Variants in CLCN3 observed in about 807,000 individuals in gnomAD.
The protein encoded by CLCN3 is Cl-/H+ antiporter 3.
A neutral mutation model predicts 83.4 loss-of-function variants in CLCN3; 16 were observed. The ratio of observed to expected loss-of-function variants is 0.19; its 90% CI spans 0.13 to 0.29. The LOEUF is 0.29. Among genes scored for constraint, CLCN3 ranks in the 10% least tolerant of loss-of-function variants. CLCN3 has a pLI of 1.00. For synonymous variants in CLCN3, 322 were observed against 346.2 expected (o/e 0.93, Z 0.78); for missense variants, 544 against 1,006.0 (o/e 0.54, Z 6.21).
At chr4:169,668,177 GTTT>G (rs1181541764) in intron 2 of CLCN3, among the ~76,000 whole-genome samples, 1 of 144,424 alleles carries the variant, frequency 6.9e-6, no homozygotes, top group Non-Finnish European at 1.5e-5. Flanking sequence ...GTTGTTTTTT[GTTT>G]GTTATTTGTT....
chr4:169,623,774 T>C (rs1773164208), intron 1 of CLCN3, among the ~76,000 whole-genome samples: 2 of 152,214 alleles, frequency 1.3e-5, no homozygotes, highest in South Asian at 4.1e-4. Context: ...GTATTTGTTT[T>C]TTTGTGTCTT....
At chr4:169,715,832 T>C (rs1419511354) in intron 12 of CLCN3, among the ~76,000 whole-genome samples, 1 of 152,136 alleles carries the variant, frequency 6.6e-6, no homozygotes, top group Non-Finnish European at 1.5e-5. Context: ...AAAAAACATT[T>C]TGTGACTGTC....
chr4:169,696,813 C>CTT (rs928033309), intron 8 of CLCN3, among the ~76,000 whole-genome samples: 1 of 130,546 alleles, frequency 7.7e-6, no homozygotes, highest in Non-Finnish European at 1.6e-5. Flanking sequence ...TGTTTGTATT[C>CTT]TTTTTTTTTT....
At chr4:169,623,930 A>G (rs886861265) in intron 1 of CLCN3, among the ~76,000 whole-genome samples, 2 of 152,202 alleles carry the variant, frequency 1.3e-5, no homozygotes, top group Non-Finnish European at 2.9e-5. Context: ...CCTTTTAGAT[A>G]TCTCTAATAT....
At chr4:169,709,175 C>T in intron 11 of CLCN3, among the ~76,000 whole-genome samples, 1 of 149,192 alleles carries the variant, frequency 6.7e-6, no homozygotes, top group East Asian at 1.9e-4. Flanking sequence ...ATAGTTACAT[C>T]ATATAATACA....
chr4:169,695,441 G>T (rs530543597), intron 7 of CLCN3, among the ~76,000 whole-genome samples, 171 bp from the exon 8 acceptor site: 1 of 152,224 alleles, frequency 6.6e-6, no homozygotes, highest in South Asian at 2.1e-4. Flanking sequence ...CCAGGAGAAA[G>T]AAACAAATCT....
chr4:169,635,390 T>G (rs1773476575), intron 1 of CLCN3, among the ~76,000 whole-genome samples: 1 of 152,190 alleles, frequency 6.6e-6, no homozygotes, highest in African/African-American at 2.4e-5. Flanking sequence ...TGTTACCATT[T>G]TATCAGTGGC....
In CLCN3 at chr4:169,688,968, G is replaced by A. The variant is rs533489376; in HGVS notation, c.419-75G>A. 3.2e-6 allele frequency: 4 copies of A among 1,251,064 alleles called. No homozygotes were observed. In the South Asian group the frequency reaches 4.1e-5, roughly 13 times the overall value. The allele number at this position is 1,251,064 out of a possible 1,614,324, so 77.5% of individuals were successfully genotyped here. ...TTTAGGAGTCTCCTGCTTTCTACTT[G>A]CCTTTTAACTAGATTGTTCTCGACT... On this transcript the variant is annotated intron_variant, in intron 4 of 12. Transcript: ENST00000513761.
intron 9 of CLCN3, among the ~76,000 whole-genome samples, chr4:169,703,664 C>CT (rs112073521): frequency 0.18 from 24,936 of 142,248 alleles, 3,639 homozygotes; most frequent in African/African-American, 0.41. Flanking sequence ...GCATATTGTC[C>CT]TTTTTTTTTT....
intron 1 of CLCN3, among the ~76,000 whole-genome samples, chr4:169,623,770 GT>G (rs1773164144): frequency 1.3e-5 from 2 of 151,496 alleles, no homozygotes; most frequent in East Asian, 3.9e-4. Context: ...TGCAGTATTT[GT>G]TTTTTTGTGT....
At chr4:169,716,901 A>C (rs1475195129) in intron 12 of CLCN3, among the ~76,000 whole-genome samples, 1 of 152,210 alleles carries the variant, frequency 6.6e-6, no homozygotes, top group Non-Finnish European at 1.5e-5. Context: ...ATGTCCAGTC[A>C]TCCTGAAGGG....
At chr4:169,632,125 A>G (rs1464796199) in intron 1 of CLCN3, among the ~76,000 whole-genome samples, 1 of 152,198 alleles carries the variant, frequency 6.6e-6, no homozygotes, top group East Asian at 1.9e-4. Context: ...ACAGGTCAAT[A>G]TCCCTGATGA....
chr4:169,673,822 C>A (rs1341560070), intron 2 of CLCN3, among the ~76,000 whole-genome samples: 2 of 152,018 alleles, frequency 1.3e-5, no homozygotes, highest in Non-Finnish European at 2.9e-5. Context: ...CGATATATGC[C>A]ATTATATGTA....
intron 11 of CLCN3, among the ~76,000 whole-genome samples, chr4:169,708,995 G>A (rs1349163286): frequency 6.8e-6 from 1 of 147,576 alleles, no homozygotes; most frequent in Non-Finnish European, 1.5e-5. Context: ...TTTTATATGG[G>A]AGAGATATAT....
intron 11 of CLCN3, among the ~76,000 whole-genome samples, chr4:169,707,817 A>C (rs1372050097): frequency 1.3e-5 from 2 of 152,206 alleles, no homozygotes; most frequent in Admixed American, 6.5e-5. Flanking sequence ...AGTATAACGT[A>C]TCAGTCCTGT....
At chr4:169,643,716 T>C (rs149597151) in intron 2 of CLCN3, among the ~76,000 whole-genome samples, 1 of 152,240 alleles carries the variant, frequency 6.6e-6, no homozygotes, top group African/African-American at 2.4e-5. Context: ...AATTTTTTTG[T>C]AGAGATGGGG....
At chr4:169,627,534 C>T (rs1157156422) in intron 1 of CLCN3, among the ~76,000 whole-genome samples, 1 of 152,074 alleles carries the variant, frequency 6.6e-6, no homozygotes, top group Non-Finnish European at 1.5e-5. Flanking sequence ...TAGCATCTGG[C>T]TTTGTGCCTG....
intron 2 of CLCN3, among the ~76,000 whole-genome samples, chr4:169,674,507 A>G (rs1196091301): frequency 1.3e-5 from 2 of 152,118 alleles, no homozygotes; most frequent in Non-Finnish European, 2.9e-5. Flanking sequence ...CTAGCTTTTC[A>G]AAGTGGAAGT....
chr4:169,652,038 A>T (rs1345188034), intron 2 of CLCN3, among the ~76,000 whole-genome samples: 3 of 152,180 alleles, frequency 2.0e-5, no homozygotes, highest in Non-Finnish European at 4.4e-5. Context: ...TAACTTAAAG[A>T]CTTTTGAATT....
Sources: gnomAD v4.1 joint callset for allele counts (sites outside exome capture counted in the v4.1 genomes callset) on GRCh38, gnomAD v4.1.1 for gene constraint, MANE v1.5 for transcripts, NCBI Gene and HGNC (gene_info 2026-07-23, HGNC 2026-07-21) for gene names.